Variants in UBIAD1 observed in about 807,000 individuals in gnomAD.
The protein encoded by UBIAD1 is UbiA prenyltransferase domain containing 1.
A neutral mutation model predicts 20.1 loss-of-function variants in UBIAD1; 12 were observed. The observed-to-expected ratio is 0.60, with a 90% CI of 0.38 to 0.97. The LOEUF (loss-of-function observed/expected upper bound fraction) is 0.97, where lower values mean the gene tolerates loss of function less well. UBIAD1 is among the 50% of genes least tolerant of loss of function. The pLI is 0.00. For synonymous variants in UBIAD1, 207 were observed against 189.2 expected (o/e 1.09, Z -0.77); for missense variants, 333 against 419.5 (o/e 0.79, Z 1.80).
downstream of UBIAD1, among the ~76,000 whole-genome samples, chr1:11,290,935 C>G (rs1423096750): frequency 7.3e-6 from 1 of 137,776 alleles, no homozygotes; most frequent in Admixed American, 6.8e-5. Flanking sequence ...TGCACTCCAG[C>G]CTGGACAACA....
intron 1 of UBIAD1, among the ~76,000 whole-genome samples, chr1:11,282,209 A>G (rs1437939182): frequency 6.6e-6 from 1 of 152,188 alleles, no homozygotes; most frequent in Non-Finnish European, 1.5e-5. Context: ...CCCCCCAGCA[A>G]GTGTTCCAGT....
At position 11,286,515 on chromosome 1, in the gene UBIAD1, C is replaced by A; in HGVS notation, c.*384C>A. 3.1e-6 allele frequency: 1 copy of A among 327,216 alleles called. No homozygotes were observed. Among genetic ancestry groups the A allele is most frequent in the African/African-American group, 2.2e-5 (1 of 46,214 alleles). The allele number at this position is 327,216 out of a possible 1,614,324, so 20.3% of individuals were successfully genotyped here. ...AGTTTGGCCTCCTGTCCCGAAAAGA[C>A]CCTAATAACTAGGCAGAGTGTTGTC... is the stretch of plus-strand genomic sequence containing the variant. On this transcript the variant is annotated 3_prime_UTR_variant, in exon 2 of 2. Coordinates refer to ENST00000376810, the MANE Select transcript of UBIAD1 (RefSeq NM_013319.3).
Position 11,286,155 on chromosome 1 carries a change from A to AC in UBIAD1, c.*25dup, listed in dbSNP as rs1247284937. 2 of 1,614,108 alleles carry AC rather than the reference A, an allele frequency of 1.2e-6. No homozygotes were observed. The highest frequency in any genetic ancestry group is 2.2e-5 in the South Asian group (2 of 91,078). On this transcript the variant is annotated 3_prime_UTR_variant, in exon 2 of 2. Transcript: ENST00000376810. ...AAGGGGACAAGTAGCTCCCCCCACG[A>AC]CATGTCTCCCTTTCTTAGAATATAT...
chr1:11,292,358 A>G (rs1183520115), downstream of UBIAD1, among the ~76,000 whole-genome samples: 8 of 152,142 alleles, frequency 5.3e-5, no homozygotes, highest in African/African-American at 1.7e-4. Flanking sequence ...GATGTTCAGA[A>G]TGTCTCAGTT....
At chr1:11,288,620 A>G (rs565512075), downstream of UBIAD1, among the ~76,000 whole-genome samples, 8 of 152,198 alleles carry the variant, frequency 5.3e-5, no homozygotes, top group Admixed American at 2.0e-4. Flanking sequence ...TAGAAAAGGC[A>G]GCAGGGACTG....
chr1:11,286,265 T>C lies in UBIAD1; in HGVS notation c.*134T>C. 8.3e-7 allele frequency: 1 copy of C among 1,199,304 alleles called. No individual in the cohort carries two copies. Among genetic ancestry groups the C allele is most frequent in the Non-Finnish European group, 1.2e-6 (1 of 849,674 alleles). 74.3% of individuals were successfully genotyped at this position (1,199,304 alleles called of 1,614,324 possible). A position where few individuals can be genotyped will look rare whatever the true frequency, so the allele number is the denominator to read the frequency against. On this transcript the variant is annotated 3_prime_UTR_variant, in exon 2 of 2. Coordinates refer to ENST00000376810, the MANE Select transcript of UBIAD1 (RefSeq NM_013319.3). ...GGGAACTCCTGCCTTATAAAAATTGTTTTTGTGTTCTTAAAGATAATATGT... is the reference window on the plus strand; with the variant it reads ...GGGAACTCCTGCCTTATAAAAATTGCTTTTGTGTTCTTAAAGATAATATGT...
At chr1:11,279,744 T>C (rs1557517209) in intron 1 of UBIAD1, among the ~76,000 whole-genome samples, 1 of 152,202 alleles carries the variant, frequency 6.6e-6, no homozygotes, top group African/African-American at 2.4e-5. Context: ...GTCTATTAAA[T>C]CTCCTAACAA....
intron 1 of UBIAD1, among the ~76,000 whole-genome samples, chr1:11,281,509 C>T (rs10864497): frequency 0.1 from 15,365 of 152,180 alleles, 1,327 homozygotes; most frequent in African/African-American, 0.23. Flanking sequence ...TTGAAATATA[C>T]TGAGCAGAGT....
At chr1:11,289,290 T>C (rs1204445910), downstream of UBIAD1, among the ~76,000 whole-genome samples, 1 of 152,216 alleles carries the variant, frequency 6.6e-6, no homozygotes, top group Admixed American at 6.5e-5. Flanking sequence ...ACACCTGTTA[T>C]TAATGACGCG....
At chr1:11,297,280 CAA>C (rs1043871112), downstream of UBIAD1, among the ~76,000 whole-genome samples, 1 of 152,148 alleles carries the variant, frequency 6.6e-6, no homozygotes, top group Non-Finnish European at 1.5e-5. Context: ...GTGCCCTGAT[CAA>C]AGAGACCCCA....
chr1:11,285,872 G>A lies in UBIAD1; in HGVS notation c.758G>A (p.Gly253Asp). Reference sequence around the variant, plus strand: ...ATCGTCACGCTGGCCATCCTCATCGGCCCCACGTTCTCCTACATTCTCTAC... The same window carrying A: ...ATCGTCACGCTGGCCATCCTCATCGACCCCACGTTCTCCTACATTCTCTAC... ...AGIVTLAILI[G>D]PTFSYILYNT... is the part of the protein sequence containing the mutation. Residue 253 changes from glycine (G) to aspartate (D), a missense_variant, in exon 2 of 2, where the codon GGC becomes GAC. By Grantham distance (94) the Gly-to-Asp change is moderately conservative (BLOSUM62 -1). Transcript: ENST00000376810. The surrounding 1 kb of genome is among the most constrained non-coding windows in gnomAD (Gnocchi z 4.4). The A allele has an allele frequency of 6.2e-7, 1 of 1,614,100 alleles. No individual in the cohort carries two copies. Among genetic ancestry groups the A allele is most frequent in the Non-Finnish European group, 8.5e-7 (1 of 1,180,034 alleles).
chr1:11,297,029 G>A (rs1010241202), downstream of UBIAD1, among the ~76,000 whole-genome samples: 1 of 152,144 alleles, frequency 6.6e-6, no homozygotes, highest in Non-Finnish European at 1.5e-5. Context: ...CATAGAAAAT[G>A]AACAAGACCA....
At chr1:11,282,603 GA>G (rs1451445670) in intron 1 of UBIAD1, among the ~76,000 whole-genome samples, 1 of 129,014 alleles carries the variant, frequency 7.8e-6, no homozygotes, top group African/African-American at 3.0e-5. Flanking sequence ...AGCTCTTGTT[GA>G]CCAGGCTGGA....
rs141143530 is a variant in UBIAD1, at chr1:11,274,016, T to C, written c.485T>C (p.Leu162Pro). The change falls in exon 1 of 2, where the codon CTT becomes CCT. Residue 162 changes from leucine to proline, a missense_variant. Coordinates refer to ENST00000376810, the MANE Select transcript of UBIAD1 (RefSeq NM_013319.3). The stretch of plus-strand genomic sequence containing the variant: ...CCTCTGAAACTGGAGCACTTGGCTC[T>C]TATCTACTTTGGAGGCCTGTCTGGC... The part of the protein sequence containing the change: ...LSPLKLEHLA[L>P]IYFGGLSGSF... 77 of 1,614,188 alleles carry C rather than the reference T, an allele frequency of 4.8e-5. No homozygotes were observed. In the African/African-American group the frequency reaches 9.5e-4, roughly 20 times the overall value.
At chr1:11,289,655 C>T (rs541086122), downstream of UBIAD1, among the ~76,000 whole-genome samples, 7 of 150,914 alleles carry the variant, frequency 4.6e-5, no homozygotes, top group South Asian at 4.2e-4. Context: ...CTCTGCCTCC[C>T]GGATTCAAAG....
intron 1 of UBIAD1, among the ~76,000 whole-genome samples, chr1:11,276,966 G>A (rs1344176598): frequency 2.0e-5 from 3 of 152,060 alleles, no homozygotes; most frequent in Non-Finnish European, 4.4e-5. Flanking sequence ...GCTGGATGTG[G>A]TAGTTTTTAC....
Position 11,285,764 on chromosome 1 carries a change from A to G in UBIAD1, c.650A>G (p.Tyr217Cys), listed in dbSNP as rs768047804. The change falls in exon 2 of 2, where the codon TAT becomes TGT. Residue 217 changes from tyrosine to cysteine, a missense_variant. Around this residue, in one of 3 missense-constraint regions of UBIAD1, gnomAD observed 226 missense variants for 263.5 expected, o/e 0.86. Coordinates refer to ENST00000376810, the MANE Select transcript of UBIAD1 (RefSeq NM_013319.3). This position sits in a 1 kb window ranked among gnomAD's most constrained non-coding sequence, Gnocchi z 4.4. Reference protein sequence around the residue: ...VGSLAIFPLVYAIPLALSTEA... With the variant: ...VGSLAIFPLVCAIPLALSTEA... ...TCCCTGGCCATCTTCCCACTGGTCTATGCCATCCCCCTCGCCCTCAGCACC... is the reference window on the plus strand; with the variant it reads ...TCCCTGGCCATCTTCCCACTGGTCTGTGCCATCCCCCTCGCCCTCAGCACC... 9 of 1,613,996 alleles carry G rather than the reference A, an allele frequency of 5.6e-6. No homozygotes were observed. The highest frequency in any genetic ancestry group is 1.1e-5 in the South Asian group (1 of 91,074).
In UBIAD1 at chr1:11,285,806, CCAA is replaced by C; in HGVS notation, c.698_700del (p.Asn233del). ...CTCAGCACCGAGGCCATTCTCCATT[CCAA>C]CAACACCAGGGACATGGAGTCCGAC... On this transcript the variant is annotated inframe_deletion, in exon 2 of 2. Coordinates refer to ENST00000376810, the MANE Select transcript of UBIAD1 (RefSeq NM_013319.3). The surrounding 1 kb of genome is among the most constrained non-coding windows in gnomAD (Gnocchi z 4.4). 1 of 1,614,226 alleles carries C rather than the reference CCAA, an allele frequency of 6.2e-7. No individual in the cohort carries two copies.
intron 1 of UBIAD1, among the ~76,000 whole-genome samples, chr1:11,276,868 A>G (rs748381215): frequency 4.0e-4 from 61 of 152,106 alleles, no homozygotes; most frequent in African/African-American, 1.4e-3. Context: ...ATTTTTTATT[A>G]TAAGATAGGT....
Sources: gnomAD v4.1 joint callset for allele counts (sites outside exome capture counted in the v4.1 genomes callset) on GRCh38, gnomAD v4.1.1 for gene constraint, gnomAD v4.1.1 regional missense constraint, Gnocchi (gnomAD v3.1) non-coding constraint, MANE v1.5 for transcripts, NCBI Gene and HGNC (gene_info 2026-07-23, HGNC 2026-07-21) for gene names.